BICRA: variants seen among roughly 807,000 people sequenced by gnomAD.
BICRA encodes BRD4 interacting chromatin remodeling complex associated protein.
A neutral mutation model predicts 96.9 loss-of-function variants in BICRA; 31 were observed. The ratio of observed to expected loss-of-function variants is 0.32; its 90% CI spans 0.24 to 0.43. The LOEUF (loss-of-function observed/expected upper bound fraction) is 0.43, where lower values mean the gene tolerates loss of function less well. Among genes scored for constraint, BICRA ranks in the 20% least tolerant of loss-of-function variants. The pLI is 1.00. For synonymous variants in BICRA, 1,350 were observed against 1,071.8 expected, an observed-to-expected ratio of 1.26 and a Z score of -5.07; for missense variants, 2,283 against 2,190.3, an observed-to-expected ratio of 1.04 and a Z score of -0.84.
At chr19:47,652,259 C>T (rs752495430) in intron 1 of BICRA, among the ~76,000 whole-genome samples, 1 of 152,122 alleles carries the variant, frequency 6.6e-6, no homozygotes, top group Non-Finnish European at 1.5e-5. Flanking sequence ...GACCATGGCT[C>T]ACTGCAGCCT....
chr19:47,683,419 C>G (rs1161963584), intron 7 of BICRA, among the ~76,000 whole-genome samples: 5 of 152,150 alleles, frequency 3.3e-5, no homozygotes, highest in Admixed American at 6.5e-5. Context: ...TTTGTACTTT[C>G]TGTTCTATGA....
intron 1 of BICRA, among the ~76,000 whole-genome samples, chr19:47,639,768 A>G (rs1972357432): frequency 6.6e-6 from 1 of 150,554 alleles, no homozygotes; most frequent in African/African-American, 2.4e-5. Context: ...TCAGTCTCCT[A>G]AGTCACTGGG....
intron 1 of BICRA, among the ~76,000 whole-genome samples, chr19:47,666,263 T>C (rs1972777322): frequency 6.7e-6 from 1 of 150,216 alleles, no homozygotes; most frequent in African/African-American, 2.5e-5. Context: ...CCCCAGCCCC[T>C]CGCCCAATTT....
chr19:47,688,581 G>A (rs546962894), intron 7 of BICRA, among the ~76,000 whole-genome samples: 2 of 152,118 alleles, frequency 1.3e-5, no homozygotes, highest in South Asian at 4.2e-4. Context: ...ACGAGGTCAA[G>A]ATATCGAGAC....
At chr19:47,676,258 C>T (rs1972939403) in intron 5 of BICRA, among the ~76,000 whole-genome samples, 1 of 151,950 alleles carries the variant, frequency 6.6e-6, no homozygotes, top group Admixed American at 6.5e-5. Flanking sequence ...CAGGGGCACT[C>T]CTGGAGAGCA....
intron 7 of BICRA, 60 bp from the exon 8 acceptor site, chr19:47,694,055 A>T: frequency 6.9e-7 from 1 of 1,446,810 alleles, no homozygotes; most frequent in African/African-American, 1.4e-5. Flanking sequence ...TCTTGGGGCA[A>T]CAGGAGCTAT....
intron 1 of BICRA, among the ~76,000 whole-genome samples, chr19:47,637,866 G>T (rs555364941): frequency 5.3e-5 from 8 of 152,188 alleles, no homozygotes; most frequent in Non-Finnish European, 7.3e-5. Context: ...CTGCGGCGAT[G>T]CCTCATTCCT....
chr19:47,657,189 T>C (rs370252429), intron 1 of BICRA, among the ~76,000 whole-genome samples: 1 of 152,232 alleles, frequency 6.6e-6, no homozygotes, highest in East Asian at 1.9e-4. Flanking sequence ...ACAAATGGAC[T>C]CACACAGTGT....
chr19:47,663,811 C>T (rs1307873199), intron 1 of BICRA: 1 of 152,008 alleles, frequency 6.6e-6, no homozygotes, highest in African/African-American at 2.4e-5. Context: ...CACACACACA[C>T]ACACATTATT....
intron 1 of BICRA, among the ~76,000 whole-genome samples, chr19:47,622,182 T>C (rs1972074542): frequency 6.6e-6 from 1 of 151,580 alleles, no homozygotes; most frequent in African/African-American, 2.4e-5. Context: ...GCCAGGCTGG[T>C]CTCGAACTCC....
In BICRA at chr19:47,688,629, A is replaced by C. The variant is rs1225329197; in HGVS notation, c.2284-5486A>C. 1.3e-5 allele frequency among the ~76,000 whole-genome samples: 2 copies of C among 151,502 alleles called. 1 individual carries two copies. The highest frequency in any genetic ancestry group is 2.9e-5 in the Non-Finnish European group (2 of 67,858). On this transcript the variant is annotated intron_variant, in intron 7 of 14. Coordinates refer to ENST00000594866, the MANE Select transcript of BICRA (RefSeq NM_001394372.1). ...CATGGTGAAACCCCGTCTCTACTAAAAATACAAAAATTAGCTGGGCATGGT... is the reference window on the plus strand; with the variant it reads ...CATGGTGAAACCCCGTCTCTACTAACAATACAAAAATTAGCTGGGCATGGT...
chr19:47,646,324 A>G (rs992246557), intron 1 of BICRA, among the ~76,000 whole-genome samples: 1 of 152,114 alleles, frequency 6.6e-6, no homozygotes, highest in Admixed American at 6.6e-5. Context: ...AAACTTCCCT[A>G]TGTCTCCAGA....
chr19:47,676,578 C>T (rs1371702777), intron 5 of BICRA, among the ~76,000 whole-genome samples: 1 of 99,522 alleles, frequency 1.0e-5, no homozygotes, highest in Non-Finnish European at 2.1e-5. Flanking sequence ...CCTCCCCCCT[C>T]CCCGCCTCCC....
rs1973432867 is a variant in BICRA at position 47,701,016 on chromosome 19, G to A, written c.3596-312G>A. The A allele has an allele frequency of 1.5e-5, 6 of 405,236 alleles. No homozygotes were observed. The highest frequency in any genetic ancestry group is 1.2e-4 in the South Asian group (4 of 32,424). 25.1% of individuals were successfully genotyped at this position (405,236 alleles called of 1,614,324 possible). The stretch of plus-strand genomic sequence containing the variant: ...AGGTCTCAAACTCCTGGGCTCAAGC[G>A]ATCCCCCTCCCTTGGCCTCCCAAAG... On this transcript the variant is annotated intron_variant, in intron 14 of 14. Transcript: ENST00000594866. The surrounding 1 kb of genome is among the most constrained non-coding windows in gnomAD (Gnocchi z 5.4).
In BICRA at chr19:47,673,708, C is replaced by T. The variant is rs1972900241; in HGVS notation, c.42-12C>T. On this transcript the variant is annotated splice_polypyrimidine_tract_variant and intron_variant, in intron 3 of 14. Transcript: ENST00000594866. ...CCTTACCTCCTCAGCGTCTCTTCCT[C>T]TTCTCTTCCAGTGACCCACAGGCCC... 7 of 1,609,306 alleles carry T rather than the reference C, an allele frequency of 4.3e-6. No individual in the cohort carries two copies. Among genetic ancestry groups the T allele is most frequent in the Non-Finnish European group, 5.1e-6 (6 of 1,176,924 alleles).
intron 1 of BICRA, among the ~76,000 whole-genome samples, chr19:47,666,825 C>T (rs1230086996): frequency 3.9e-5 from 6 of 152,136 alleles, no homozygotes; most frequent in Admixed American, 3.3e-4. Context: ...CCTCCTGCCT[C>T]AGCTTCCCTG....
rs1378432195 is a variant in BICRA, at chr19:47,701,941, G to T, written c.4209G>T (p.Gly1403=). 1 of 1,438,286 alleles carries T rather than the reference G, an allele frequency of 7.0e-7. No homozygotes were observed. The highest frequency in any genetic ancestry group is 1.5e-5 in the African/African-American group (1 of 66,314). The allele number at this position is 1,438,286 out of a possible 1,614,324, so 89.1% of individuals were successfully genotyped here. A position where few individuals can be genotyped will look rare whatever the true frequency, so the allele number is the denominator to read the frequency against. The stretch of plus-strand genomic sequence containing the variant: ...TGGGGGGCCCTGGCGCGCCGGAGGG[G>T]ACGCCCGCAGGCAGGGCACGGGGAG... ...ENVGGPGAPE[G]TPAGRARGGS... The change falls in exon 15 of 15, where the codon GGG becomes GGT. Residue 1403 remains glycine (G), a synonymous_variant. Coordinates refer to ENST00000594866, the MANE Select transcript of BICRA (RefSeq NM_001394372.1). This position sits in a 1 kb window ranked among gnomAD's most constrained non-coding sequence, Gnocchi z 5.4.
chr19:47,620,536 T>C (rs910847673), intron 1 of BICRA, among the ~76,000 whole-genome samples: 1 of 151,318 alleles, frequency 6.6e-6, no homozygotes, highest in Non-Finnish European at 1.5e-5. Flanking sequence ...AGCATGGTGG[T>C]GCATGCTTGT....
Position 47,685,786 on chromosome 19 carries a change from T to TGCGCGCGCGCGTGC in BICRA, c.2283+3645_2283+3646insTGCGCGCGCGCGCG, listed in dbSNP as rs1555790134. ...GTGTGTGTGTGTGTGTGTGTGTGTGTGCGCGCGCGCGCGCATGCGTACATT... is the reference window on the plus strand; with the variant it reads ...GTGTGTGTGTGTGTGTGTGTGTGTGTGCGCGCGCGCGTGCGCGCGCGCGCGCGCATGCGTACATT... On this transcript the variant is annotated intron_variant, in intron 7 of 14. Transcript: ENST00000594866. Among the ~76,000 whole-genome samples, 8 of 117,930 alleles carry TGCGCGCGCGCGTGC rather than the reference T, an allele frequency of 6.8e-5. 1 individual carries two copies. The highest frequency in any genetic ancestry group is 7.3e-5 in the African/African-American group (2 of 27,546). The allele number at this position is 117,930 out of a possible 152,430, so 77.4% of individuals were successfully genotyped here. A position where few individuals can be genotyped will look rare whatever the true frequency, so the allele number is the denominator to read the frequency against.
Sources: allele counts gnomAD v4.1 joint callset (sites outside exome capture counted in the v4.1 genomes callset), GRCh38; gene constraint gnomAD v4.1.1; non-coding constraint Gnocchi (gnomAD v3.1); transcripts MANE v1.5; gene names NCBI Gene and HGNC (gene_info 2026-07-23, HGNC 2026-07-21).